CAPN2: variants seen among roughly 807,000 people sequenced by gnomAD.
CAPN2 encodes the protein calpain-2 catalytic subunit.
CAPN2 carries 92 observed loss-of-function variants against 102.3 expected under a neutral mutation model. The observed-to-expected ratio is 0.90, with a 90% CI of 0.76 to 1.07. The LOEUF is 1.07. Among genes scored for constraint, CAPN2 ranks in the 50% least tolerant of loss-of-function variants. The probability of loss-of-function intolerance (pLI) is 0.00; values close to 1 mark genes in which losing one functional copy is unlikely to be tolerated. For missense variants in CAPN2, 800 were observed against 909.4 expected, an observed-to-expected ratio of 0.88 and a Z score of 1.55; for synonymous variants, 340 against 355.4, an observed-to-expected ratio of 0.96 and a Z score of 0.49.
chr1:223,752,269 C>T (rs1436321351), intron 8 of CAPN2, among the ~76,000 whole-genome samples, 198 bp downstream of exon 8: 1 of 152,208 alleles, frequency 6.6e-6, no homozygotes, highest in African/African-American at 2.4e-5. Flanking sequence ...AACGGTCCAT[C>T]TTGACAATGG....
chr1:223,739,597 C>T (rs771166711), intron 2 of CAPN2, among the ~76,000 whole-genome samples: 17 of 152,264 alleles, frequency 1.1e-4, no homozygotes, highest in South Asian at 2.1e-4. Context: ...TTCAGACAGT[C>T]CTCTGAGGTA....
intron 20 of CAPN2, among the ~76,000 whole-genome samples, chr1:223,774,343 A>C (rs1017337574): frequency 2.6e-5 from 4 of 152,300 alleles, no homozygotes; most frequent in Non-Finnish European, 5.9e-5. Context: ...CTCTCCGTTC[A>C]GTCTGCAGGG....
chr1:223,761,709 G>A (rs951337209), intron 13 of CAPN2, 92 bp downstream of exon 13: 68 of 1,036,998 alleles, frequency 6.6e-5, no homozygotes, highest in Admixed American at 1.7e-4. Context: ...TGGACTTCAC[G>A]AACAAAGCCT....
intron 2 of CAPN2, 37 bp from the exon 3 acceptor site, chr1:223,744,063 G>C: frequency 3.6e-6 from 5 of 1,384,872 alleles, no homozygotes; most frequent in Non-Finnish European, 5.1e-6. Flanking sequence ...CTGGTTCTAA[G>C]ACCCTCTGAT....
rs1660187221 is a variant in CAPN2 at position 223,726,261 on chromosome 1, C to T, written c.307+8430C>T. Among the ~76,000 whole-genome samples, 1 of 152,170 alleles carries T rather than the reference C, an allele frequency of 6.6e-6. No homozygotes were observed. The highest frequency in any genetic ancestry group is 1.9e-4 in the East Asian group (1 of 5,196). On this transcript the variant is annotated intron_variant, in intron 2 of 20. Transcript: ENST00000295006. This position sits in a 1 kb window ranked among gnomAD's most constrained non-coding sequence, Gnocchi z 4.4. ...AGGGCAAGGTTCCACCTCCTCCTCC[C>T]TTCTTCTGTGGGGTCTGTGATGAGA...
At position 223,756,322 on chromosome 1, in the gene CAPN2, G is replaced by A. The variant is rs1246595291; in HGVS notation, c.1305+673G>A. The stretch of plus-strand genomic sequence containing the variant: ...TTCTGCAAAACAAGAAAGAGCTTTC[G>A]TGGGCTGCAGGTAGCCATGCGAGGA... On this transcript the variant is annotated intron_variant, in intron 10 of 20. Transcript: ENST00000295006. The surrounding 1 kb of genome is among the most constrained non-coding windows in gnomAD (Gnocchi z 4.1). Among the ~76,000 whole-genome samples, 3 of 152,184 alleles carry A rather than the reference G, an allele frequency of 2.0e-5. No individual in the cohort carries two copies. The highest frequency in any genetic ancestry group is 4.4e-5 in the Non-Finnish European group (3 of 68,032).
In CAPN2 at chr1:223,755,754, G is replaced by A. The variant is rs982647869; in HGVS notation, c.1305+105G>A. The A allele has an allele frequency of 2.0e-5, 24 of 1,192,236 alleles. 1 individual carries two copies. In the Admixed American group the frequency reaches 3.5e-4, roughly 17 times the overall value. The allele number at this position is 1,192,236 out of a possible 1,614,324, so 73.9% of individuals were successfully genotyped here. On this transcript the variant is annotated intron_variant, in intron 10 of 20. Coordinates refer to ENST00000295006, the MANE Select transcript of CAPN2 (RefSeq NM_001748.5). This position sits in a 1 kb window ranked among gnomAD's most constrained non-coding sequence, Gnocchi z 4.1. ...AGAACTGGGGATGGGATCCCAGACCGGGAGCTTGGCCAAGGAAAAACAAAA... is the reference window on the plus strand; with the variant it reads ...AGAACTGGGGATGGGATCCCAGACCAGGAGCTTGGCCAAGGAAAAACAAAA...
chr1:223,774,970 A>G lies in CAPN2; in HGVS notation c.*113A>G. The G allele has an allele frequency of 3.5e-6, 3 of 866,706 alleles. No homozygotes were observed. The highest frequency in any genetic ancestry group is 5.7e-6 in the Non-Finnish European group (3 of 525,124). 53.7% of individuals were successfully genotyped at this position (866,706 alleles called of 1,614,324 possible). Reference sequence around the variant, plus strand: ...CTCAAAATTATGGGAACATTTACTTAAACGGATGATCATAGCTGAAAATAA... The same window carrying G: ...CTCAAAATTATGGGAACATTTACTTGAACGGATGATCATAGCTGAAAATAA... On this transcript the variant is annotated 3_prime_UTR_variant, in exon 21 of 21. Coordinates refer to ENST00000295006, the MANE Select transcript of CAPN2 (RefSeq NM_001748.5).
rs1262229933 is a variant in CAPN2, at chr1:223,770,523, C to G, written c.1901C>G (p.Ala634Gly). ...GAAATGCGGAAGGCATTAGAAGAAG[C>G]AGGTAACCCTTTATAACTGCATTTT... is the stretch of plus-strand genomic sequence containing the variant. The part of the protein sequence containing the change: ...SYEMRKALEE[A>G]GFKMPCQLHQ... The change falls in exon 18 of 21, where the codon GCA (alanine) becomes GGA (glycine). Residue 634 changes from alanine (A) to glycine (G), a missense_variant and splice_region_variant. Physicochemically the swap from Ala to Gly is moderately conservative, Grantham distance 60. Coordinates refer to ENST00000295006, the MANE Select transcript of CAPN2 (RefSeq NM_001748.5). 67 of 1,608,878 alleles carry G rather than the reference C, an allele frequency of 4.2e-5. No individual in the cohort carries two copies. Among genetic ancestry groups the G allele is most frequent in the Non-Finnish European group, 5.6e-5 (66 of 1,175,516 alleles).
At chr1:223,744,599 GC>G (rs764992702) in intron 3 of CAPN2, among the ~76,000 whole-genome samples, 3 of 152,210 alleles carry the variant, frequency 2.0e-5, no homozygotes, top group Non-Finnish European at 4.4e-5. Flanking sequence ...GGTAGCTCAT[GC>G]CCGTAATCTC....
chr1:223,722,308 G>A (rs145753934), intron 2 of CAPN2, among the ~76,000 whole-genome samples: 14,797 of 78,070 alleles, frequency 0.19, 1,030 homozygotes, highest in African/African-American at 0.3. Context: ...TTTTTTTTGA[G>A]ACAGGGTCTT....
At chr1:223,719,205 G>A (rs148646587) in intron 2 of CAPN2, among the ~76,000 whole-genome samples, 4 of 152,246 alleles carry the variant, frequency 2.6e-5, no homozygotes, top group Non-Finnish European at 4.4e-5. Flanking sequence ...AGAGAAAATG[G>A]AATTGATGGA....
At chr1:223,707,021 A>T (rs1571773453) in intron 1 of CAPN2, among the ~76,000 whole-genome samples, 1 of 150,516 alleles carries the variant, frequency 6.6e-6, no homozygotes, top group Admixed American at 6.7e-5. Context: ...CGGAGGTTGC[A>T]GTGAGCCGAG....
At position 223,771,868 on chromosome 1, in the gene CAPN2, C is replaced by CTCA; in HGVS notation, c.1969_1971dup (p.Ile657dup). 6.2e-7 allele frequency: 1 copy of CTCA among 1,614,152 alleles called. No homozygotes were observed. The highest frequency in any genetic ancestry group is 8.5e-7 in the Non-Finnish European group (1 of 1,179,982). On this transcript the variant is annotated inframe_insertion, in exon 19 of 21. Transcript: ENST00000295006. The stretch of plus-strand genomic sequence containing the variant: ...CGTTGCTCGGTTTGCAGATGACCAG[C>CTCA]TCATCATCGATTTTGATAATTTTGT...
At chr1:223,745,241 G>A in intron 3 of CAPN2, 65 bp from the exon 4 acceptor site, 1 of 1,607,380 alleles carries the variant, frequency 6.2e-7, no homozygotes, top group Non-Finnish European at 8.5e-7. Context: ...GCCAGAGGCA[G>A]CTGAGGCTCA....
chr1:223,712,527 G>C, upstream of CAPN2: 1 of 1,228,888 alleles, frequency 8.1e-7, no homozygotes, highest in Non-Finnish European at 1.0e-6. Context: ...CGCTCGCAGC[G>C]GCGGCGCCCG....
intron 4 of CAPN2, among the ~76,000 whole-genome samples, chr1:223,746,539 A>G (rs1414874992): frequency 7.1e-6 from 1 of 139,866 alleles, no homozygotes; most frequent in Non-Finnish European, 1.5e-5. Context: ...AGTGAGCGGC[A>G]TGATCTCAGC....
At chr1:223,706,397 A>T (rs896026509) in intron 1 of CAPN2, among the ~76,000 whole-genome samples, 6 of 152,214 alleles carry the variant, frequency 3.9e-5, no homozygotes, top group Admixed American at 2.6e-4. Flanking sequence ...TCTCTTTTCA[A>T]ATGAAACCGT....
intron 3 of CAPN2, among the ~76,000 whole-genome samples, 165 bp downstream of exon 3, chr1:223,744,383 G>A (rs892931188): frequency 2.0e-5 from 3 of 152,202 alleles, no homozygotes; most frequent in Middle Eastern, 3.4e-3. Context: ...TGGCTTACCC[G>A]TGGCCAGGAT....
Sources: allele counts gnomAD v4.1 joint callset (sites outside exome capture counted in the v4.1 genomes callset), GRCh38; gene constraint gnomAD v4.1.1; non-coding constraint Gnocchi (gnomAD v3.1); transcripts MANE v1.5; gene names NCBI Gene and HGNC (gene_info 2026-07-23, HGNC 2026-07-21).